Variants in ABCB4 observed in about 807,000 individuals in gnomAD.
The protein encoded by ABCB4 is ATP binding cassette subfamily B member 4.
A neutral mutation model predicts 145.7 loss-of-function variants in ABCB4; 76 were observed. That is an observed-to-expected ratio of 0.52 (90% CI 0.43 to 0.63). The LOEUF (loss-of-function observed/expected upper bound fraction) is 0.63, where lower values mean the gene tolerates loss of function less well. Ranked by LOEUF, ABCB4 falls within the 30% of genes least tolerant of loss-of-function variation. ABCB4 has a pLI of 0.00. For missense variants in ABCB4, 1,234 were observed against 1,553.1 expected (o/e 0.79, Z 3.45); for synonymous variants, 517 against 566.8 (o/e 0.91, Z 1.25).
chr7:87,458,547 C>T (rs1012440276), intron 4 of ABCB4, among the ~76,000 whole-genome samples: 4 of 152,214 alleles, frequency 2.6e-5, no homozygotes, highest in African/African-American at 9.6e-5. Context: ...AGCTAAGTAC[C>T]TCACTCTATC....
the ABCB4 span, among the ~76,000 whole-genome samples, chr7:87,366,365 A>AG: frequency 1.3e-5 from 2 of 151,920 alleles, no homozygotes; most frequent in African/African-American, 2.4e-5. Flanking sequence ...GGGGAAAAAA[A>AG]AATGCCTTCA....
At chr7:87,414,821 T>C (rs1372000746) in intron 21 of ABCB4, among the ~76,000 whole-genome samples, 1 of 152,214 alleles carries the variant, frequency 6.6e-6, no homozygotes, top group African/African-American at 2.4e-5. Context: ...TACTGAGCTT[T>C]TACTATGTCC....
Position 87,408,923 on chromosome 7 carries a change from A to G in ABCB4, c.3081+313T>C, listed in dbSNP as rs541432505. On this transcript the variant is annotated intron_variant, in intron 24 of 27. Coordinates refer to ENST00000649586, the MANE Select transcript of ABCB4 (RefSeq NM_000443.4). Reference sequence around the variant, plus strand: ...AAAAAGTGATTAAAGTCAAATTACTAATTGCATTAACATGGCAGAATTATA... The same window carrying G: ...AAAAAGTGATTAAAGTCAAATTACTGATTGCATTAACATGGCAGAATTATA... 2.6e-5 allele frequency among the ~76,000 whole-genome samples: 4 copies of G among 152,322 alleles called. No individual in the cohort carries two copies. In the East Asian group the frequency reaches 7.7e-4, roughly 29 times the overall value.
At chr7:87,415,872 T>A (rs939421326) in intron 21 of ABCB4, among the ~76,000 whole-genome samples, 3 of 152,242 alleles carry the variant, frequency 2.0e-5, no homozygotes, top group Non-Finnish European at 4.4e-5. Flanking sequence ...AAGTTTATTT[T>A]CATTCCATCC....
At chr7:87,384,622 A>T in the ABCB4 span, among the ~76,000 whole-genome samples, 1 of 152,230 alleles carries the variant, frequency 6.6e-6, no homozygotes, top group African/African-American at 2.4e-5. Context: ...TATTCTGATT[A>T]TTAATTTCTT....
intron 24 of ABCB4, 23 bp downstream of exon 24, chr7:87,409,213 T>C (rs762365161): frequency 1.9e-6 from 3 of 1,613,822 alleles, no homozygotes; most frequent in Non-Finnish European, 1.7e-6. Flanking sequence ...TGATCAAGCA[T>C]CATCAGGCAT....
At chr7:87,388,029 A>AAATGCACAC in the ABCB4 span, among the ~76,000 whole-genome samples, 1 of 152,116 alleles carries the variant, frequency 6.6e-6, no homozygotes, top group African/African-American at 2.4e-5. Context: ...TGGGTCTATT[A>AAATGCACAC]CTGGGGAGCA....
intron 16 of ABCB4, among the ~76,000 whole-genome samples, chr7:87,425,020 C>A (rs7800629): frequency 3.3e-5 from 5 of 151,514 alleles, no homozygotes; most frequent in Non-Finnish European, 7.4e-5. Flanking sequence ...TCAAATTACC[C>A]ATTTTTTCTG....
rs1416978942 is a variant in ABCB4, at chr7:87,431,408, A to C, written c.1889T>G (p.Met630Arg). Residue 630 changes from methionine (M) to arginine (R), a missense_variant, in exon 15 of 28, where the codon ATG becomes AGG. Transcript: ENST00000649586. ...KEGVYFKLVNMQTSGSQIQSE... is the reference protein window; with the variant it reads ...KEGVYFKLVNRQTSGSQIQSE... The stretch of plus-strand genomic sequence containing the variant: ...AAATTCCTGAAAAGCAAGTACCTGC[A>C]TGTTGACAAGTTTGAAGTACACCCC... 3 of 1,614,110 alleles carry C rather than the reference A, an allele frequency of 1.9e-6. No individual in the cohort carries two copies. The South Asian group carries it at 3.3e-5, about 18-fold the overall frequency.
chr7:87,418,021 T>G (rs578014055), intron 20 of ABCB4, among the ~76,000 whole-genome samples: 2 of 152,360 alleles, frequency 1.3e-5, no homozygotes, highest in South Asian at 4.1e-4. Context: ...GTCAGCTCTC[T>G]GCATCCATTC....
At chr7:87,475,934 C>T (rs1021375142), upstream of ABCB4, among the ~76,000 whole-genome samples, 3 of 152,170 alleles carry the variant, frequency 2.0e-5, no homozygotes, top group Non-Finnish European at 2.9e-5. Context: ...AGAACCAGCC[C>T]GGTCGCAGGA....
At chr7:87,463,365 C>A (rs916121645) in intron 3 of ABCB4, among the ~76,000 whole-genome samples, 1 of 152,030 alleles carries the variant, frequency 6.6e-6, no homozygotes, top group Non-Finnish European at 1.5e-5. Context: ...GATAAGATCC[C>A]TTTAGAAGGT....
intron 18 of ABCB4, among the ~76,000 whole-genome samples, chr7:87,421,197 G>C (rs1809392144): frequency 6.6e-6 from 1 of 152,170 alleles, no homozygotes; most frequent in South Asian, 2.1e-4. Flanking sequence ...GTGAGTGTTG[G>C]GGTAGCCGTG....
At chr7:87,382,122 A>T in the ABCB4 span, 1 of 1,613,628 alleles carries the variant, frequency 6.2e-7, no homozygotes, top group Admixed American at 1.7e-5. Context: ...GCTCATTTTC[A>T]TTGTGGATGA....
At chr7:87,433,682 T>TGTTTTG in intron 14 of ABCB4, among the ~76,000 whole-genome samples, 1 of 149,924 alleles carries the variant, frequency 6.7e-6, no homozygotes, top group East Asian at 1.9e-4. Context: ...GTTGTTTTTT[T>TGTTTTG]TTTTTTTTTT....
the ABCB4 span, among the ~76,000 whole-genome samples, chr7:87,388,373 CTG>C: frequency 2.0e-5 from 3 of 152,258 alleles, no homozygotes; most frequent in Non-Finnish European, 4.4e-5. Context: ...TGACTTCAAA[CTG>C]TACTACAAGG....
chr7:87,443,806 C>G, intron 10 of ABCB4, 33 bp from the exon 11 acceptor site: 1 of 1,519,514 alleles, frequency 6.6e-7, no homozygotes, highest in Non-Finnish European at 9.1e-7. Context: ...ACTATTCCAT[C>G]ATAGCACAAA....
intron 9 of ABCB4, among the ~76,000 whole-genome samples, chr7:87,445,544 A>T (rs1353904037): frequency 6.6e-6 from 1 of 152,164 alleles, no homozygotes; most frequent in Non-Finnish European, 1.5e-5. Context: ...GTATTTTTTC[A>T]CTAGGAAAAT....
intron 2 of ABCB4, 102 bp downstream of exon 2, chr7:87,475,284 T>G (rs1425275370): frequency 7.3e-7 from 1 of 1,370,296 alleles, no homozygotes; most frequent in African/African-American, 1.4e-5. Context: ...AAAACAAAGG[T>G]CTTCAAAGGC....
Sources: gnomAD v4.1 joint callset for allele counts (sites outside exome capture counted in the v4.1 genomes callset) on GRCh38, gnomAD v4.1.1 for gene constraint, MANE v1.5 for transcripts, NCBI Gene and HGNC (gene_info 2026-07-23, HGNC 2026-07-21) for gene names.